Variants in DROSHA observed in about 807,000 individuals in gnomAD.
DROSHA encodes ribonuclease 3.
In DROSHA, 56 loss-of-function variants were observed where a neutral mutation model predicts 181.9. That is an observed-to-expected ratio of 0.31 (90% CI 0.25 to 0.38). The LOEUF is 0.38. Ranked by LOEUF, DROSHA falls within the 10% of genes least tolerant of loss-of-function variation. The pLI is 1.00. For missense variants in DROSHA, 1,218 were observed against 1,743.5 expected (o/e 0.70, Z 5.37); for synonymous variants, 524 against 591.2 (o/e 0.89, Z 1.65).
chr5:31,504,462 G>T (rs1281725535), intron 11 of DROSHA, 93 bp downstream of exon 11: 2 of 1,338,662 alleles, frequency 1.5e-6, no homozygotes, highest in Non-Finnish European at 2.1e-6. Flanking sequence ...AATTTTGATG[G>T]TATTATTTCA....
intron 20 of DROSHA, among the ~76,000 whole-genome samples, chr5:31,460,177 T>G (rs1748249589): frequency 1.3e-5 from 2 of 152,236 alleles, no homozygotes; most frequent in Non-Finnish European, 2.9e-5. Flanking sequence ...GCTGAATTTT[T>G]TAGACTCAGA....
At chr5:31,469,648 T>C (rs969370685) in intron 17 of DROSHA, among the ~76,000 whole-genome samples, 1 of 152,244 alleles carries the variant, frequency 6.6e-6, no homozygotes, top group East Asian at 1.9e-4. Flanking sequence ...CATGTTTCTG[T>C]GATTTTAAAC....
At chr5:31,425,544 T>G (rs148885822) in intron 27 of DROSHA, among the ~76,000 whole-genome samples, 1 of 152,148 alleles carries the variant, frequency 6.6e-6, no homozygotes, top group Non-Finnish European at 1.5e-5. Context: ...TTCGGGCCCT[T>G]GCCTGACCTA....
rs1749567286 is a variant in DROSHA at position 31,470,146 on chromosome 5, C to G, written c.2241+1917G>C. Among the ~76,000 whole-genome samples, 1 of 152,180 alleles carries G rather than the reference C, an allele frequency of 6.6e-6. No homozygotes were observed. The highest frequency in any genetic ancestry group is 1.5e-5 in the Non-Finnish European group (1 of 68,028). On this transcript the variant is annotated intron_variant, in intron 17 of 35. Coordinates refer to ENST00000344624, the MANE Select transcript of DROSHA (RefSeq NM_001382508.1). The surrounding 1 kb of genome is among the most constrained non-coding windows in gnomAD (Gnocchi z 4.0). ...CACATTCCTAAGCCTGACACTGAAA[C>G]TTCCAATAAAAATCTTTCATACTGA... is the stretch of plus-strand genomic sequence containing the variant.
intron 35 of DROSHA, among the ~76,000 whole-genome samples, chr5:31,404,431 G>A (rs145756437): frequency 0.013 from 1,934 of 152,204 alleles, 29 homozygotes; most frequent in Admixed American, 0.028. Flanking sequence ...CCCTGCCCCT[G>A]AACAGGAAAC....
chr5:31,516,099 T>C (rs937001456), intron 6 of DROSHA, among the ~76,000 whole-genome samples: 3 of 152,060 alleles, frequency 2.0e-5, no homozygotes, highest in Admixed American at 2.0e-4. Flanking sequence ...CTACAAGAAA[T>C]ACAAAAATTA....
intron 21 of DROSHA, 38 bp downstream of exon 21, chr5:31,451,495 C>T (rs772109291): frequency 3.9e-6 from 6 of 1,528,728 alleles, no homozygotes; most frequent in Non-Finnish European, 5.4e-6. Flanking sequence ...TTACTCCTAT[C>T]TTGTTATTAT....
At chr5:31,524,037 T>C (rs1740242002) in intron 5 of DROSHA, among the ~76,000 whole-genome samples, 1 of 149,006 alleles carries the variant, frequency 6.7e-6, no homozygotes, top group African/African-American at 2.5e-5. Context: ...CTTTGCCAAC[T>C]AGTCCATCAC....
intron 23 of DROSHA, among the ~76,000 whole-genome samples, chr5:31,441,600 G>A (rs1262978890): frequency 1.3e-5 from 2 of 152,074 alleles, no homozygotes; most frequent in Non-Finnish European, 2.9e-5. Context: ...TTTGCTTTCT[G>A]TCAAATACAC....
chr5:31,494,748 CGA>C (rs1752769498), intron 12 of DROSHA, among the ~76,000 whole-genome samples: 2 of 151,928 alleles, frequency 1.3e-5, no homozygotes, highest in Non-Finnish European at 2.9e-5. Context: ...TAAAGTGGTG[CGA>C]TCTCGGCTCT....
At chr5:31,505,313 A>G (rs1291666828) in intron 10 of DROSHA, among the ~76,000 whole-genome samples, 1 of 151,496 alleles carries the variant, frequency 6.6e-6, no homozygotes, top group Non-Finnish European at 1.5e-5. Flanking sequence ...CATATATATG[A>G]TGTGCTTCAT....
At chr5:31,443,715 T>G (rs1227715247) in intron 23 of DROSHA, among the ~76,000 whole-genome samples, 1 of 152,170 alleles carries the variant, frequency 6.6e-6, no homozygotes, top group Non-Finnish European at 1.5e-5. Context: ...GCCTTTTTTG[T>G]AAACCCTAGC....
At chr5:31,462,708 C>T (rs895776576) in intron 20 of DROSHA, among the ~76,000 whole-genome samples, 2 of 150,728 alleles carry the variant, frequency 1.3e-5, no homozygotes, top group African/African-American at 4.9e-5. Flanking sequence ...GCCTTAGGGA[C>T]TGCTACAGGA....
chr5:31,419,779 C>T (rs1303717138), intron 30 of DROSHA, among the ~76,000 whole-genome samples: 2 of 152,244 alleles, frequency 1.3e-5, no homozygotes, highest in East Asian at 1.9e-4. Flanking sequence ...GGCCATTTCT[C>T]GGGCCAACCA....
At chr5:31,522,998 A>G (rs947303801) in intron 5 of DROSHA, among the ~76,000 whole-genome samples, 1 of 152,238 alleles carries the variant, frequency 6.6e-6, no homozygotes, top group African/African-American at 2.4e-5. Context: ...CAGAATTTGT[A>G]AAAGGATAGA....
chr5:31,483,169 C>A (rs190560786), intron 16 of DROSHA, among the ~76,000 whole-genome samples: 84 of 152,158 alleles, frequency 5.5e-4, no homozygotes, highest in African/African-American at 1.9e-3. Context: ...AATCCTACTA[C>A]CTTAATGTAA....
Position 31,411,551 on chromosome 5 carries a change from ATTAT to A in DROSHA, c.3526-668_3526-665del, listed in dbSNP as rs1219305401. Among the ~76,000 whole-genome samples, 8 of 152,156 alleles carry A rather than the reference ATTAT, an allele frequency of 5.3e-5. No individual in the cohort carries two copies. Among genetic ancestry groups the A allele is most frequent in the African/African-American group, 1.9e-4 (8 of 41,446 alleles). On this transcript the variant is annotated intron_variant, in intron 30 of 35. Transcript: ENST00000344624. This position sits in a 1 kb window ranked among gnomAD's most constrained non-coding sequence, Gnocchi z 4.2. The stretch of plus-strand genomic sequence containing the variant: ...AAGTAAATACTATGAAAAGATTTAA[ATTAT>A]TTATTTACATTTTTATTTTATTATT...
chr5:31,526,372 G>T lies in DROSHA; in HGVS notation c.561C>A (p.Asn187Lys), dbSNP rs762715791. 1.2e-5 allele frequency: 19 copies of T among 1,613,538 alleles called. No individual in the cohort carries two copies. Among genetic ancestry groups the T allele is most frequent in the Non-Finnish European group, 1.6e-5 (19 of 1,179,838 alleles). Reference protein sequence around the residue: ...FPPPSFNSFQNNPSSFLPSAN... With the variant: ...FPPPSFNSFQKNPSSFLPSAN... ...CACTGGGCAGGAAAGAACTAGGGTT[G>T]TTCTGGAAACTATTAAAACTGGGAG... The change falls in exon 5 of 36, where the codon AAC (asparagine) becomes AAA (lysine). Residue 187 changes from asparagine (N) to lysine (K), a missense_variant. Coordinates refer to ENST00000344624, the MANE Select transcript of DROSHA (RefSeq NM_001382508.1).
At chr5:31,468,125 T>G in intron 17 of DROSHA, 62 bp from the exon 18 acceptor site, 1 of 1,530,156 alleles carries the variant, frequency 6.5e-7, no homozygotes, top group Non-Finnish European at 8.8e-7. Context: ...GACTTTAACC[T>G]AAGTAGGGAA....
Sources: gnomAD v4.1 joint callset for allele counts (sites outside exome capture counted in the v4.1 genomes callset) on GRCh38, gnomAD v4.1.1 for gene constraint, Gnocchi (gnomAD v3.1) non-coding constraint, MANE v1.5 for transcripts, NCBI Gene and HGNC (gene_info 2026-07-23, HGNC 2026-07-21) for gene names.